The following PCDHGB3 variants were observed in gnomAD, a reference collection of about 807,000 sequenced individuals.
The protein encoded by PCDHGB3 is protocadherin gamma subfamily B, 3.
In PCDHGB3, 40 loss-of-function variants were observed where a neutral mutation model predicts 59.2. The observed-to-expected ratio is 0.68, with a 90% CI of 0.52 to 0.88. The LOEUF (loss-of-function observed/expected upper bound fraction) is 0.88, where lower values mean the gene tolerates loss of function less well. PCDHGB3 is among the 40% of genes least tolerant of loss of function. PCDHGB3 has a pLI of 0.00. For synonymous variants in PCDHGB3, 581 were observed against 503.6 expected, an observed-to-expected ratio of 1.15 and a Z score of -2.06; for missense variants, 1,309 against 1,187.9, an observed-to-expected ratio of 1.10 and a Z score of -1.50.
chr5:141,404,917 G>T (rs750464541), intron 1 of PCDHGB3: 6 of 1,613,652 alleles, frequency 3.7e-6, no homozygotes, highest in East Asian at 2.2e-5. Flanking sequence ...CCCCTCTCTC[G>T]GCCACTGTCA....
intron 1 of PCDHGB3, among the ~76,000 whole-genome samples, chr5:141,381,235 C>T (rs760639728): frequency 6.6e-6 from 1 of 152,270 alleles, no homozygotes; most frequent in Non-Finnish European, 1.5e-5. Context: ...ACCAACTACT[C>T]TCCAGGACCT....
rs913644689 is a variant in PCDHGB3, at chr5:141,371,572, A to C, written c.1178A>C (p.Lys393Thr). The C allele has an allele frequency of 6.2e-7, 1 of 1,613,960 alleles. No individual in the cohort carries two copies. The highest frequency in any genetic ancestry group is 1.6e-4 in the Middle Eastern group (1 of 6,062). The change falls in exon 1 of 4, where the codon AAA becomes ACA. Residue 393 changes from lysine (K) to threonine (T), a missense_variant. By Grantham distance (78) the Lys-to-Thr change is moderately conservative. Transcript: ENST00000576222. ...LCQLKGNFPFKIVQDTKNTYR... is the reference protein window; with the variant it reads ...LCQLKGNFPFTIVQDTKNTYR... ...CAACTAAAAGGAAACTTCCCCTTTAAAATCGTTCAAGATACCAAAAACACA... is the reference window on the plus strand; with the variant it reads ...CAACTAAAAGGAAACTTCCCCTTTACAATCGTTCAAGATACCAAAAACACA...
At chr5:141,421,144 G>A (rs1241874764) in intron 1 of PCDHGB3, 1 of 999,180 alleles carries the variant, frequency 1.0e-6, no homozygotes, top group African/African-American at 1.6e-5. Flanking sequence ...TTTGGATGTA[G>A]TCGGCCTAGG....
chr5:141,488,815 T>A (rs769851687), intron 1 of PCDHGB3, among the ~76,000 whole-genome samples: 30 of 152,144 alleles, frequency 2.0e-4, no homozygotes, highest in Non-Finnish European at 4.1e-4. Context: ...ATCTGAGCTG[T>A]CAAACTTTGC....
rs756094875 is a variant in PCDHGB3 at position 141,419,594 on chromosome 5, C to T, written c.2415+46785C>T. 2.6e-5 allele frequency: 42 copies of T among 1,611,572 alleles called. No homozygotes were observed. Among genetic ancestry groups the T allele is most frequent in the Admixed American group, 3.3e-5 (2 of 59,964 alleles). ...CGGCTCCGCGCTCTTCGACACAGTG[C>T]CGCGGGCCGCGCAGCCAGGCTACCT... On this transcript the variant is annotated intron_variant, in intron 1 of 3. Transcript: ENST00000576222.
Position 141,484,647 on chromosome 5 carries a change from G to A in PCDHGB3, c.2416-10160G>A, listed in dbSNP as rs556711906. Among the ~76,000 whole-genome samples, 104 of 152,066 alleles carry A rather than the reference G, an allele frequency of 6.8e-4. 3 individuals carry two copies. Among genetic ancestry groups the A allele is most frequent in the East Asian group, 1.2e-3 (6 of 5,166 alleles). ...TGAACAAAGTGACCACTCTCCAATG[G>A]CTACTCTCCCTCTCAGTGGGCCGCA... On this transcript the variant is annotated intron_variant, in intron 1 of 3. Transcript: ENST00000576222.
At chr5:141,381,826 C>CTTTTTTTTTTTTTTTTTTTTTT (rs770630741) in intron 1 of PCDHGB3, among the ~76,000 whole-genome samples, 11 of 74,280 alleles carry the variant, frequency 1.5e-4, no homozygotes, top group South Asian at 5.1e-4. Flanking sequence ...CTTTCTTCTT[C>CTTTTTTTTTTTTTTTTTTTTTT]TTTTTTTTTT....
intron 1 of PCDHGB3, chr5:141,377,299 G>A (rs1270863261): frequency 6.6e-6 from 1 of 152,100 alleles, no homozygotes; most frequent in African/African-American, 2.4e-5. Flanking sequence ...ATTTAGGTCA[G>A]TGTTAAAGAT....
intron 1 of PCDHGB3, chr5:141,409,801 G>A: frequency 1.2e-6 from 2 of 1,611,946 alleles, no homozygotes; most frequent in South Asian, 2.2e-5. Context: ...TCACGCTGCA[G>A]GCCCGCGACC....
intron 1 of PCDHGB3, chr5:141,408,700 A>G (rs748315700): frequency 3.1e-6 from 5 of 1,613,470 alleles, no homozygotes; most frequent in Admixed American, 3.3e-5. Flanking sequence ...ACATAAACTC[A>G]ATTAAAGATT....
chr5:141,487,968 T>C lies in PCDHGB3; in HGVS notation c.2416-6839T>C, dbSNP rs2099670029. Among the ~76,000 whole-genome samples the C allele has an allele frequency of 6.6e-6, 1 of 152,236 alleles. No individual in the cohort carries two copies. The highest frequency in any genetic ancestry group is 1.5e-5 in the Non-Finnish European group (1 of 68,050). On this transcript the variant is annotated intron_variant, in intron 1 of 3. Transcript: ENST00000576222. This position sits in a 1 kb window ranked among gnomAD's most constrained non-coding sequence, Gnocchi z 5.0. The stretch of plus-strand genomic sequence containing the variant: ...AGGCAGTCACTTGGACAAAGGTGGC[T>C]GTTTTCTCTACTCTTCCTGAAAGAG...
chr5:141,427,220 T>G (rs1487350481), intron 1 of PCDHGB3: 1 of 456,710 alleles, frequency 2.2e-6, no homozygotes, highest in East Asian at 6.9e-5. Flanking sequence ...TTCGTAGCAG[T>G]TATACCATGA....
At chr5:141,509,071 G>T (rs1209992467) in intron 3 of PCDHGB3, among the ~76,000 whole-genome samples, 1 of 152,176 alleles carries the variant, frequency 6.6e-6, no homozygotes, top group Admixed American at 6.5e-5. Flanking sequence ...CAGCTCCGGG[G>T]ATTTGCGACA....
At chr5:141,495,010 G>T (rs1327870362) in intron 2 of PCDHGB3, 145 bp downstream of exon 2, 1 of 1,516,970 alleles carries the variant, frequency 6.6e-7, no homozygotes, top group Non-Finnish European at 8.9e-7. Flanking sequence ...GTGTGCGGGG[G>T]GCTGGCACAC....
intron 1 of PCDHGB3, chr5:141,379,749 T>A (rs1396117156): frequency 6.6e-6 from 1 of 152,138 alleles, no homozygotes; most frequent in African/African-American, 2.4e-5. Flanking sequence ...ATGAGGTTCT[T>A]TAATCCACCT....
intron 1 of PCDHGB3, chr5:141,382,829 T>C: frequency 7.3e-7 from 1 of 1,376,168 alleles, no homozygotes; most frequent in Non-Finnish European, 9.9e-7. Flanking sequence ...GACAGAGGGG[T>C]CCACCCGGAT....
rs1172182153 is a variant in PCDHGB3 at position 141,371,692 on chromosome 5, C to A, written c.1298C>A (p.Ser433Tyr). 1 of 1,614,048 alleles carries A rather than the reference C, an allele frequency of 6.2e-7. No individual in the cohort carries two copies. Among genetic ancestry groups the A allele is most frequent in the South Asian group, 1.1e-5 (1 of 91,082 alleles). Residue 433 changes from serine to tyrosine, a missense_variant, in exon 1 of 4, where the codon TCC becomes TAC. Physicochemically the swap from Ser to Tyr is moderately radical, Grantham distance 144 (BLOSUM62 -2). Transcript: ENST00000576222. ...TATDKGNPPL[S>Y]SSKTITLHIL... ...ACCGACAAAGGCAATCCACCGCTCT[C>A]CTCCAGCAAGACCATCACTCTGCAC...
At chr5:141,441,886 A>C (rs2098281968) in intron 1 of PCDHGB3, 1 of 345,040 alleles carries the variant, frequency 2.9e-6, no homozygotes, top group Non-Finnish European at 5.6e-6. Flanking sequence ...CCTGGTCACC[A>C]AGGTGGTGGC....
At chr5:141,400,237 A>AT in intron 1 of PCDHGB3, 3 of 1,613,870 alleles carry the variant, frequency 1.9e-6, no homozygotes, top group Non-Finnish European at 2.5e-6. Flanking sequence ...CCTGGCCGTG[A>AT]TTCTGGCCGT....
Sources: allele counts gnomAD v4.1 joint callset (sites outside exome capture counted in the v4.1 genomes callset), GRCh38; gene constraint gnomAD v4.1.1; non-coding constraint Gnocchi (gnomAD v3.1); transcripts MANE v1.5; gene names NCBI Gene and HGNC (gene_info 2026-07-23, HGNC 2026-07-21).